The following UPK1A variants were observed in gnomAD, a reference collection of about 807,000 sequenced individuals.
UPK1A encodes uroplakin-1a.
Under a neutral mutation model 32.3 loss-of-function variants are expected in UPK1A, and 31 were observed. The ratio of observed to expected loss-of-function variants is 0.96; its 90% CI spans 0.72 to 1.30. The LOEUF (loss-of-function observed/expected upper bound fraction) is 1.30. Among genes scored for constraint, UPK1A ranks in the 50% most tolerant of loss-of-function variants. UPK1A has a pLI of 0.00. For synonymous variants in UPK1A, 135 were observed against 137.1 expected, an observed-to-expected ratio of 0.98 and a Z score of 0.11; for missense variants, 340 against 357.4, an observed-to-expected ratio of 0.95 and a Z score of 0.39.
chr19:35,673,622 CT>C, intron 5 of UPK1A, 77 bp downstream of exon 5: 1 of 1,324,272 alleles, frequency 7.6e-7, no homozygotes, highest in Non-Finnish European at 1.1e-6. Flanking sequence ...GATGTGCCAG[CT>C]TTTAGAGGAG....
At position 35,676,173 on chromosome 19, in the gene UPK1A, T is replaced by C. The variant is rs1599633317; in HGVS notation, c.648+154T>C. ...CCTCTCTGATTTTCTTGTTTTCTTT[T>C]TCTTTCTTTCTTTCTTTCTTTCTTT... On this transcript the variant is annotated intron_variant, in intron 6 of 7. Transcript: ENST00000617999. 8.6e-6 allele frequency: 6 copies of C among 696,922 alleles called. No homozygotes were observed. In the Admixed American group the frequency reaches 1.2e-4, roughly 14 times the overall value. The allele number at this position is 696,922 out of a possible 1,614,324, so 43.2% of individuals were successfully genotyped here. A position where few individuals can be genotyped will look rare whatever the true frequency, so the allele number is the denominator to read the frequency against.
chr19:35,676,191 C>G (rs753485779), intron 6 of UPK1A, 172 bp downstream of exon 6: 2 of 773,694 alleles, frequency 2.6e-6, no homozygotes, highest in South Asian at 4.3e-5. Context: ...TTCTTTCTTT[C>G]TTTCTTTTTT....
At chr19:35,671,313 G>A (rs1281525780) in intron 3 of UPK1A, among the ~76,000 whole-genome samples, 2 of 146,380 alleles carry the variant, frequency 1.4e-5, no homozygotes, top group East Asian at 4.2e-4. Context: ...CGTGAACCCG[G>A]GAGGCGCAGC....
intron 3 of UPK1A, among the ~76,000 whole-genome samples, chr19:35,672,914 C>T (rs1651511056): frequency 6.6e-6 from 1 of 151,956 alleles, no homozygotes; most frequent in Non-Finnish European, 1.5e-5. Flanking sequence ...GAAGGGGTTT[C>T]ACCATGTTGG....
exon 4 of UPK1A, chr19:35,673,232 T>C (rs1968129199): frequency 6.2e-7 from 1 of 1,614,046 alleles, no homozygotes; most frequent in South Asian, 1.1e-5. Context: ...GTCTCCCCAG[T>C]ACCTGGTGCT....
At chr19:35,675,127 G>T (rs1416443348) in intron 5 of UPK1A, among the ~76,000 whole-genome samples, 1 of 151,876 alleles carries the variant, frequency 6.6e-6, no homozygotes, top group Non-Finnish European at 1.5e-5. Flanking sequence ...AGCTAGCCAG[G>T]ATTTGAACCC....
chr19:35,669,878 AT>A (rs1463220804), intron 3 of UPK1A, among the ~76,000 whole-genome samples: 2 of 152,108 alleles, frequency 1.3e-5, no homozygotes, highest in African/African-American at 2.4e-5. Flanking sequence ...GGTTTTTCAG[AT>A]TCCCAGAAGC....
chr19:35,668,143 T>C (rs766560167), intron 2 of UPK1A: 1 of 444,854 alleles, frequency 2.2e-6, no homozygotes, highest in Non-Finnish European at 4.2e-6. Context: ...ATAACAGCAC[T>C]GTCAAGGGAG....
chr19:35,666,617 A>G (rs1487846293), intron 1 of UPK1A, 79 bp downstream of exon 1: 2 of 586,944 alleles, frequency 3.4e-6, no homozygotes, highest in Non-Finnish European at 3.0e-6. Context: ...AGTTCAGGCC[A>G]GTGACTGCCC....
intron 3 of UPK1A, among the ~76,000 whole-genome samples, chr19:35,671,752 G>A (rs1234687312): frequency 2.6e-5 from 4 of 151,784 alleles, no homozygotes; most frequent in East Asian, 3.9e-4. Flanking sequence ...ATGAGCCACC[G>A]TGCCCGGCCC....
At chr19:35,667,700 G>T (rs1056341234) in intron 2 of UPK1A, among the ~76,000 whole-genome samples, 1 of 151,886 alleles carries the variant, frequency 6.6e-6, no homozygotes, top group Non-Finnish European at 1.5e-5. Context: ...CACCATGTTG[G>T]CCAGGCTGGT....
At chr19:35,673,341 T>C (rs1226934552) in intron 4 of UPK1A, 35 bp downstream of exon 4, 2 of 1,612,902 alleles carry the variant, frequency 1.2e-6, no homozygotes, top group East Asian at 2.2e-5. Context: ...GGGCCTGACC[T>C]GCATGGGAGG....
intron 2 of UPK1A, chr19:35,668,007 C>T: frequency 4.1e-6 from 1 of 242,716 alleles, no homozygotes; most frequent in South Asian, 5.2e-5. Flanking sequence ...AGGCTAGTCT[C>T]AAACTCCTGG....
At chr19:35,676,575 TACA>T (rs924108049) in intron 6 of UPK1A, among the ~76,000 whole-genome samples, 8 of 151,920 alleles carry the variant, frequency 5.3e-5, no homozygotes, top group African/African-American at 1.9e-4. Context: ...ACCTGGCACC[TACA>T]ACTTTACTCA....
intron 3 of UPK1A, among the ~76,000 whole-genome samples, chr19:35,673,027 A>C (rs1365285137): frequency 2.0e-5 from 3 of 152,254 alleles, no homozygotes. Context: ...TCTCAAAAAT[A>C]AATTAATTAA....
At chr19:35,673,167 C>A in intron 3 of UPK1A, 65 bp from the exon 4 acceptor site, 4 of 1,546,368 alleles carry the variant, frequency 2.6e-6, no homozygotes, top group Non-Finnish European at 3.6e-6. Context: ...CCCAGTGATG[C>A]TTCCCTGACG....
chr19:35,668,437 C>A lies in UPK1A; in HGVS notation c.85-17C>A. The A allele has an allele frequency of 1.2e-6, 2 of 1,613,906 alleles. No individual in the cohort carries two copies. The highest frequency in any genetic ancestry group is 1.1e-5 in the South Asian group (1 of 91,078). ...GCTGGCCCCGAGCAGACCTTCCTAA[C>A]CCACCGCTCTGTCCAGCTGTCAGGC... On this transcript the variant is annotated splice_polypyrimidine_tract_variant and intron_variant, in intron 2 of 7. Coordinates refer to ENST00000617999, the Ensembl canonical transcript of UPK1A.
chr19:35,676,205 T>A, intron 6 of UPK1A, 186 bp downstream of exon 6: 1 of 819,156 alleles, frequency 1.2e-6, no homozygotes, highest in Non-Finnish European at 1.9e-6. Flanking sequence ...CTTTTTTTTT[T>A]TTCAAGACCG....
chr19:35,666,788 A>G (rs1968004125), intron 1 of UPK1A, 21 bp from the exon 2 acceptor site: 1 of 1,613,522 alleles, frequency 6.2e-7, no homozygotes, highest in East Asian at 2.2e-5. Context: ...TCCTGGCCTC[A>G]TCCCTGCTCA....
Sources: gnomAD v4.1 joint callset for allele counts (sites outside exome capture counted in the v4.1 genomes callset) on GRCh38, gnomAD v4.1.1 for gene constraint, MANE v1.5 for transcripts, NCBI Gene and HGNC (gene_info 2026-07-23, HGNC 2026-07-21) for gene names.